FGF14: variants seen among roughly 807,000 people sequenced by gnomAD.
FGF14 encodes fibroblast growth factor homologous factor 4.
FGF14 carries 5 observed loss-of-function variants against 25.5 expected under a neutral mutation model. The observed-to-expected ratio is 0.20, with a 90% CI of 0.10 to 0.41. The LOEUF (loss-of-function observed/expected upper bound fraction) is 0.41, where lower values mean the gene tolerates loss of function less well. FGF14 is among the 10% of genes least tolerant of loss of function. The pLI, the probability that FGF14 is intolerant of heterozygous loss-of-function variation, is 1.00. For synonymous variants in FGF14, 138 were observed against 118.3 expected, an observed-to-expected ratio of 1.17 and a Z score of -1.08; for missense variants, 222 against 320.1, an observed-to-expected ratio of 0.69 and a Z score of 2.34.
intron 1 of FGF14, among the ~76,000 whole-genome samples, chr13:102,053,393 T>C (rs59497031): frequency 0.022 from 3,334 of 151,952 alleles, 114 homozygotes; most frequent in African/African-American, 0.074. Flanking sequence ...GAAACCAAAA[T>C]AGAGAAATTA....
chr13:102,297,588 G>T (rs1287321333), intron 1 of FGF14, among the ~76,000 whole-genome samples: 1 of 151,806 alleles, frequency 6.6e-6, no homozygotes, highest in African/African-American at 2.4e-5. Flanking sequence ...TGAAATAAAA[G>T]GTTTATTACA....
intron 1 of FGF14, among the ~76,000 whole-genome samples, chr13:102,209,592 G>A (rs1466687620): frequency 3.3e-5 from 5 of 152,154 alleles, no homozygotes; most frequent in Non-Finnish European, 5.9e-5. Flanking sequence ...ATTCTCCAGT[G>A]AGAGGCAGCT....
chr13:101,795,436 T>G (rs1471598664), intron 3 of FGF14, among the ~76,000 whole-genome samples: 1 of 152,074 alleles, frequency 6.6e-6, no homozygotes, highest in Non-Finnish European at 1.5e-5. Context: ...ACTAGTAACT[T>G]AGACCTTCTG....
At chr13:101,882,521 G>A (rs1057257847) in intron 1 of FGF14, among the ~76,000 whole-genome samples, 2 of 149,928 alleles carry the variant, frequency 1.3e-5, no homozygotes, top group South Asian at 2.1e-4. Context: ...AGTAAACTGG[G>A]AACTTTGTCT....
intron 3 of FGF14, among the ~76,000 whole-genome samples, chr13:101,739,267 A>C (rs2036391932): frequency 6.6e-6 from 1 of 151,960 alleles, no homozygotes; most frequent in Admixed American, 6.6e-5. Context: ...TCATTTATTC[A>C]GTAAATATTT....
chr13:101,819,959 T>C (rs1178345891), intron 3 of FGF14, among the ~76,000 whole-genome samples: 1 of 152,188 alleles, frequency 6.6e-6, no homozygotes, highest in Non-Finnish European at 1.5e-5. Context: ...GCCTCAACAT[T>C]ATACTCATCA....
intron 1 of FGF14, among the ~76,000 whole-genome samples, chr13:101,975,758 T>C (rs562680063): frequency 1.3e-5 from 2 of 152,272 alleles, no homozygotes; most frequent in East Asian, 1.9e-4. Flanking sequence ...CTTACTAAAA[T>C]AGAAAAAGCT....
chr13:102,093,902 G>A (rs1312448817), intron 1 of FGF14, among the ~76,000 whole-genome samples: 1 of 150,900 alleles, frequency 6.6e-6, no homozygotes. Context: ...GAACATCTTG[G>A]ACTTTTTGCA....
chr13:102,262,540 G>C (rs937803428), intron 1 of FGF14, among the ~76,000 whole-genome samples: 3 of 151,774 alleles, frequency 2.0e-5, no homozygotes, highest in African/African-American at 7.3e-5. Flanking sequence ...TTCCTAGCAG[G>C]AGTAATTATT....
chr13:101,725,021 G>C (rs970477872), intron 4 of FGF14, among the ~76,000 whole-genome samples: 1 of 151,730 alleles, frequency 6.6e-6, no homozygotes, highest in Non-Finnish European at 1.5e-5. Flanking sequence ...TTTTACCTCG[G>C]TTAAATGACA....
intron 3 of FGF14, among the ~76,000 whole-genome samples, chr13:101,787,567 A>C (rs1235051219): frequency 6.6e-6 from 1 of 152,120 alleles, no homozygotes; most frequent in Non-Finnish European, 1.5e-5. Context: ...ATAACCCTAC[A>C]TGGTTCTCAG....
intron 3 of FGF14, among the ~76,000 whole-genome samples, chr13:101,796,199 A>G (rs960375907): frequency 1.3e-5 from 2 of 152,090 alleles, no homozygotes; most frequent in African/African-American, 4.8e-5. Flanking sequence ...TATGAACATG[A>G]TTTAATATAT....
At chr13:102,383,532 A>T (rs915894354) in intron 1 of FGF14, among the ~76,000 whole-genome samples, 1 of 152,142 alleles carries the variant, frequency 6.6e-6, no homozygotes, top group Non-Finnish European at 1.5e-5. Context: ...ACAGCCATGT[A>T]CTCTTCATTC....
chr13:101,922,389 A>G (rs2034064494), intron 1 of FGF14, among the ~76,000 whole-genome samples: 1 of 152,154 alleles, frequency 6.6e-6, no homozygotes, highest in African/African-American at 2.4e-5. Flanking sequence ...TTCAACAGTG[A>G]CACCCTCGGG....
In FGF14 at chr13:101,715,585, A is replaced by G; in HGVS notation, c.*7246T>C. 6.2e-7 allele frequency: 1 copy of G among 1,613,068 alleles called. No homozygotes were observed. The highest frequency in any genetic ancestry group is 8.5e-7 in the Non-Finnish European group (1 of 1,179,084). On this transcript the variant is annotated 3_prime_UTR_variant, in exon 5 of 5. Transcript: ENST00000376143. Reference sequence around the variant, plus strand: ...CAGGGAATGGAATATGTAGCTGTGGAAACTGTGAATGCTGGGATGGATGGA... The same window carrying G: ...CAGGGAATGGAATATGTAGCTGTGGGAACTGTGAATGCTGGGATGGATGGA...
At chr13:101,734,170 C>T (rs897168240) in intron 3 of FGF14, among the ~76,000 whole-genome samples, 8 of 151,988 alleles carry the variant, frequency 5.3e-5, no homozygotes, top group Non-Finnish European at 1.0e-4. Flanking sequence ...TGCATTTTAA[C>T]GAGGTCCCAG....
rs543795234 is a variant in FGF14, at chr13:102,016,562, T to C, written c.209-141266A>G. Among the ~76,000 whole-genome samples the C allele has an allele frequency of 2.6e-5, 4 of 152,280 alleles. No homozygotes were observed. The South Asian group carries it at 8.3e-4, about 32-fold the overall frequency. On this transcript the variant is annotated intron_variant, in intron 1 of 4. Coordinates refer to the FGF14 transcript ENST00000376131. ...ACCAGATTACATAGTAATATTTTTC[T>C]TTTATTTTCCAAAGGCAAAAGATTT...
At chr13:101,821,033 C>T (rs1467678344) in intron 3 of FGF14, among the ~76,000 whole-genome samples, 2 of 148,224 alleles carry the variant, frequency 1.3e-5, no homozygotes, top group Admixed American at 6.7e-5. Context: ...CTGCAGGCTC[C>T]GCCCCCCGGG....
At chr13:101,837,760 G>C (rs936422981) in intron 3 of FGF14, among the ~76,000 whole-genome samples, 1 of 151,964 alleles carries the variant, frequency 6.6e-6, no homozygotes, top group Non-Finnish European at 1.5e-5. Flanking sequence ...TTGTCCTTGC[G>C]ATGGTTAATA....
Sources: gnomAD v4.1 joint callset for allele counts (sites outside exome capture counted in the v4.1 genomes callset) on GRCh38, gnomAD v4.1.1 for gene constraint, MANE v1.5 for transcripts, NCBI Gene and HGNC (gene_info 2026-07-23, HGNC 2026-07-21) for gene names.